Variants in ADK observed in about 807,000 individuals in gnomAD.
ADK encodes adenosine kinase, also known as N6,N6-dimethyladenosine kinase.
In ADK, 24 loss-of-function variants were observed where a neutral mutation model predicts 44.7. The ratio of observed to expected loss-of-function variants is 0.54; its 90% CI spans 0.39 to 0.76. The LOEUF is 0.76. ADK is among the 30% of genes least tolerant of loss of function. The probability of loss-of-function intolerance (pLI) is 0.00; values close to 1 mark genes in which losing one functional copy is unlikely to be tolerated. For missense variants in ADK, 321 were observed against 425.1 expected, an observed-to-expected ratio of 0.76 and a Z score of 2.15; for synonymous variants, 128 against 142.6, an observed-to-expected ratio of 0.90 and a Z score of 0.73.
At chr10:74,170,677 G>C (rs2132054012) in intron 1 of ADK, among the ~76,000 whole-genome samples, 1 of 151,728 alleles carries the variant, frequency 6.6e-6, no homozygotes, top group Admixed American at 6.6e-5. Flanking sequence ...GCGGGCACCT[G>C]TAGTCCCAGC....
chr10:74,428,274 C>G (rs1053202889), intron 6 of ADK, among the ~76,000 whole-genome samples: 5 of 152,166 alleles, frequency 3.3e-5, no homozygotes, highest in African/African-American at 1.2e-4. Flanking sequence ...TCCCTAATGC[C>G]TACTAAAACT....
chr10:74,364,936 A>T (rs1017069516), intron 4 of ADK, among the ~76,000 whole-genome samples: 1 of 152,020 alleles, frequency 6.6e-6, no homozygotes, highest in Admixed American at 6.6e-5. Context: ...CTTTTAGATT[A>T]CAGGACAATT....
intron 6 of ADK, among the ~76,000 whole-genome samples, chr10:74,504,515 A>G (rs574265226): frequency 1.2e-4 from 18 of 152,306 alleles, no homozygotes; most frequent in Middle Eastern, 3.4e-3. Context: ...ATGAACATGT[A>G]TTTTGTATAT....
At chr10:74,559,718 A>C (rs1011296975) in intron 7 of ADK, among the ~76,000 whole-genome samples, 13 of 152,166 alleles carry the variant, frequency 8.5e-5, no homozygotes, top group Admixed American at 7.2e-4. Context: ...TTCAATTTGC[A>C]GTTTTAGAGG....
intron 6 of ADK, chr10:74,423,813 G>T: frequency 3.2e-6 from 1 of 309,914 alleles, no homozygotes. Flanking sequence ...CCTGTCCAGC[G>T]CTGCCCCAGA....
intron 4 of ADK, among the ~76,000 whole-genome samples, chr10:74,321,588 T>C (rs896334536): frequency 6.6e-6 from 1 of 152,366 alleles, no homozygotes; most frequent in East Asian, 1.9e-4. Flanking sequence ...TTATAATTTC[T>C]AATCTGCTTT....
chr10:74,552,005 G>A (rs2133783109), intron 7 of ADK, among the ~76,000 whole-genome samples: 1 of 88,590 alleles, frequency 1.1e-5, no homozygotes, highest in African/African-American at 1.1e-4. Flanking sequence ...GCTATACCAT[G>A]GTTTTTTGTA....
intron 4 of ADK, among the ~76,000 whole-genome samples, chr10:74,350,948 C>T (rs906482379): frequency 1.3e-5 from 2 of 152,082 alleles, no homozygotes; most frequent in Middle Eastern, 3.2e-3. Flanking sequence ...AGTCTACCAA[C>T]CAAAAAAAGC....
chr10:74,462,701 T>C (rs189036317), intron 6 of ADK, among the ~76,000 whole-genome samples: 2 of 152,332 alleles, frequency 1.3e-5, no homozygotes, highest in Admixed American at 1.3e-4. Context: ...TGTTAGGTAG[T>C]GAATTATTCT....
chr10:74,337,529 T>C (rs957034578), intron 4 of ADK, among the ~76,000 whole-genome samples: 2 of 152,192 alleles, frequency 1.3e-5, no homozygotes, highest in Non-Finnish European at 2.9e-5. Flanking sequence ...ATCTGACTCA[T>C]GCCTTGTGAA....
At chr10:74,394,402 C>A in intron 5 of ADK, 89 bp downstream of exon 5, 1 of 1,230,016 alleles carries the variant, frequency 8.1e-7, no homozygotes, top group Non-Finnish European at 1.2e-6. Flanking sequence ...GGAATTTTGA[C>A]TTTATAATTC....
At chr10:74,306,064 C>T (rs1009787441) in intron 3 of ADK, among the ~76,000 whole-genome samples, 9 of 151,706 alleles carry the variant, frequency 5.9e-5, no homozygotes, top group African/African-American at 2.4e-5. Context: ...CTGCACCGCA[C>T]TTCTTTTCTT....
intron 4 of ADK, 117 bp from the exon 5 acceptor site, chr10:74,394,024 C>T: frequency 9.5e-7 from 1 of 1,048,876 alleles, no homozygotes; most frequent in South Asian, 1.3e-5. Context: ...AAATCCCATT[C>T]ATAACAGCTA....
chr10:74,559,515 A>T (rs1850380457), intron 7 of ADK, among the ~76,000 whole-genome samples: 1 of 152,126 alleles, frequency 6.6e-6, no homozygotes, highest in Non-Finnish European at 1.5e-5. Flanking sequence ...AATATGTCTT[A>T]TGTACTTTTG....
chr10:74,705,999 T>A (rs1254437251), intron 10 of ADK, among the ~76,000 whole-genome samples: 1 of 152,240 alleles, frequency 6.6e-6, no homozygotes, highest in Non-Finnish European at 1.5e-5. Context: ...GTACCAAGTA[T>A]TTAATTGTGA....
intron 7 of ADK, among the ~76,000 whole-genome samples, chr10:74,550,082 T>C (rs1849977027): frequency 6.6e-6 from 1 of 151,764 alleles, no homozygotes; most frequent in East Asian, 1.9e-4. Context: ...CTTTTTTTTT[T>C]TTTTTTGAGA....
chr10:74,685,361 C>T (rs1184536987), intron 10 of ADK, among the ~76,000 whole-genome samples: 1 of 152,160 alleles, frequency 6.6e-6, no homozygotes, highest in Non-Finnish European at 1.5e-5. Flanking sequence ...CTGGGATGAC[C>T]AGTTCTAAAG....
At chr10:74,491,846 G>C (rs1254121806) in intron 6 of ADK, among the ~76,000 whole-genome samples, 3 of 152,130 alleles carry the variant, frequency 2.0e-5, no homozygotes, top group African/African-American at 4.8e-5. Flanking sequence ...TGTTATTGTG[G>C]TTAGGAGTAT....
chr10:74,158,176 A>G (rs1841805705), intron 1 of ADK, among the ~76,000 whole-genome samples: 1 of 152,312 alleles, frequency 6.6e-6, no homozygotes, highest in East Asian at 1.9e-4. Flanking sequence ...TGGAAGAATT[A>G]TGAGGTTTAA....
Sources: gnomAD v4.1 joint callset for allele counts (sites outside exome capture counted in the v4.1 genomes callset) on GRCh38, gnomAD v4.1.1 for gene constraint, MANE v1.5 for transcripts, NCBI Gene and HGNC (gene_info 2026-07-23, HGNC 2026-07-21) for gene names.